The following POM121C variants were observed in gnomAD, a reference collection of about 807,000 sequenced individuals.
The protein encoded by POM121C is nuclear envelope pore membrane protein POM 121C.
A neutral mutation model predicts 66.4 loss-of-function variants in POM121C; 20 were observed. That is an observed-to-expected ratio of 0.30 (90% confidence interval 0.21 to 0.44). POM121C has a LOEUF of 0.44. POM121C is among the 20% of genes least tolerant of loss of function. The probability of loss-of-function intolerance (pLI) is 1.00; values close to 1 mark genes in which losing one functional copy is unlikely to be tolerated. For missense variants in POM121C, 580 were observed against 1,225.7 expected (o/e 0.47, Z 7.87); for synonymous variants, 286 against 528.0 (o/e 0.54, Z 6.28).
chr7:75,432,473 A>C (rs1277164472), intron 7 of POM121C, among the ~76,000 whole-genome samples: 2 of 152,184 alleles, frequency 1.3e-5, no homozygotes, highest in African/African-American at 4.8e-5. Context: ...TGCATACTCT[A>C]TTTCCATCTA....
In POM121C at chr7:75,424,242, G is replaced by GTTCC. The variant is rs782186674; in HGVS notation, c.872-18_872-17insGGAA. 1.2e-6 allele frequency: 2 copies of GTTCC among 1,611,564 alleles called. No homozygotes were observed. Among genetic ancestry groups the GTTCC allele is most frequent in the African/African-American group, 2.7e-5 (2 of 74,814 alleles). Reference sequence around the variant, plus strand: ...AGGCAGCATCTAAGAAAGAAAGAAAGGTGAAGCAGTCCTGGCTTGTCTGGG... The same window carrying GTTCC: ...AGGCAGCATCTAAGAAAGAAAGAAAGTTCCGTGAAGCAGTCCTGGCTTGTCTGGG... On this transcript the variant is annotated splice_polypyrimidine_tract_variant and intron_variant, in intron 11 of 14. Coordinates refer to ENST00000615331, the MANE Select transcript of POM121C (RefSeq NM_001099415.3).
intron 1 of POM121C, among the ~76,000 whole-genome samples, chr7:75,480,476 C>A (rs1554479959): frequency 6.6e-6 from 1 of 151,916 alleles, no homozygotes; most frequent in Non-Finnish European, 1.5e-5. Context: ...ACAACACAAC[C>A]AACCAACTTG....
intron 3 of POM121C, among the ~76,000 whole-genome samples, chr7:75,469,153 G>A (rs1244970999): frequency 1.3e-5 from 2 of 150,860 alleles, no homozygotes; most frequent in African/African-American, 4.9e-5. Context: ...AGGCTGGAGT[G>A]CAGTGGCGTG....
chr7:75,484,863 G>T (rs1792457747), intron 1 of POM121C, among the ~76,000 whole-genome samples: 1 of 151,706 alleles, frequency 6.6e-6, no homozygotes, highest in Non-Finnish European at 1.5e-5. Context: ...TGGTTTGTTG[G>T]TTGAGACAGG....
intron 3 of POM121C, among the ~76,000 whole-genome samples, chr7:75,458,012 G>T (rs1459464223): frequency 1.3e-5 from 2 of 152,276 alleles, no homozygotes; most frequent in Non-Finnish European, 2.9e-5. Context: ...TTTTCGCATT[G>T]AAAATCAGTC....
chr7:75,434,201 C>A (rs781971887), intron 7 of POM121C, among the ~76,000 whole-genome samples: 16 of 152,046 alleles, frequency 1.1e-4, no homozygotes, highest in Non-Finnish European at 2.2e-4. Context: ...CTAAGACTCA[C>A]GGAAACAGAA....
chr7:75,418,555 G>A lies in POM121C; in HGVS notation c.*241C>T, dbSNP rs587766232. On this transcript the variant is annotated 3_prime_UTR_variant, in exon 15 of 15. Transcript: ENST00000615331. ...TCCTTAGTTCTCCAGCCTCCCCAGT[G>A]GAACTGTTCAAGTAGAGGTCCCGGG... 2.3e-4 allele frequency: 306 copies of A among 1,315,240 alleles called. No individual in the cohort carries two copies. The highest frequency in any genetic ancestry group is 2.0e-3 in the Middle Eastern group (7 of 3,458). The allele number at this position is 1,315,240 out of a possible 1,614,324, so 81.5% of individuals were successfully genotyped here.
intron 3 of POM121C, among the ~76,000 whole-genome samples, chr7:75,456,513 T>C (rs1181338711): frequency 6.6e-6 from 1 of 152,056 alleles, no homozygotes; most frequent in Non-Finnish European, 1.5e-5. Context: ...AGGGCCCCAG[T>C]GAACAGACGA....
At chr7:75,483,522 C>T (rs11769272) in intron 1 of POM121C, among the ~76,000 whole-genome samples, 20 of 152,148 alleles carry the variant, frequency 1.3e-4, no homozygotes, top group Admixed American at 5.2e-4. Flanking sequence ...TCCTCAGCCA[C>T]GCTTCCTATG....
chr7:75,440,894 C>T, intron 5 of POM121C, 60 bp downstream of exon 5: 1 of 1,613,162 alleles, frequency 6.2e-7, no homozygotes, highest in Non-Finnish European at 8.5e-7. Context: ...GGAATGTCTA[C>T]ATCTCATCCC....
intron 1 of POM121C, among the ~76,000 whole-genome samples, chr7:75,480,342 C>T (rs1400394701): frequency 6.6e-6 from 1 of 151,974 alleles, no homozygotes; most frequent in Non-Finnish European, 1.5e-5. Flanking sequence ...TAATATAACA[C>T]ATAAAGCAAA....
intron 7 of POM121C, among the ~76,000 whole-genome samples, chr7:75,428,429 C>T (rs1413246068): frequency 4.6e-5 from 7 of 152,156 alleles, no homozygotes; most frequent in African/African-American, 1.4e-4. Context: ...TGAGCCACCA[C>T]GCTTAGCCAC....
At chr7:75,434,997 A>G (rs1584665027) in intron 7 of POM121C, among the ~76,000 whole-genome samples, 1 of 152,202 alleles carries the variant, frequency 6.6e-6, no homozygotes, top group Admixed American at 6.5e-5. Context: ...TGAGTGGTAC[A>G]TGCCCTGTAG....
In POM121C at chr7:75,421,261, C is replaced by T; in HGVS notation, c.2743+248G>A. The T allele has an allele frequency of 4.3e-6, 5 of 1,161,038 alleles. No individual in the cohort carries two copies. In the South Asian group the frequency reaches 8.2e-5, roughly 19 times the overall value. The allele number at this position is 1,161,038 out of a possible 1,614,324, so 71.9% of individuals were successfully genotyped here. ...AAAATATTGGGATTACAAGCATGAG[C>T]CACTGCGCCCAACCTTCAGCTTACA... On this transcript the variant is annotated intron_variant, in intron 13 of 14. Coordinates refer to ENST00000615331, the MANE Select transcript of POM121C (RefSeq NM_001099415.3).
intron 1 of POM121C, among the ~76,000 whole-genome samples, chr7:75,480,967 A>C (rs1469267865): frequency 1.3e-5 from 2 of 150,594 alleles, no homozygotes; most frequent in East Asian, 1.9e-4. Flanking sequence ...TATGAGCTGT[A>C]ATCTAAAACT....
rs1186006417 is a variant in POM121C, at chr7:75,444,810, TA to T, written c.-151-3164del. On this transcript the variant is annotated intron_variant, in intron 3 of 14. Coordinates refer to ENST00000615331, the MANE Select transcript of POM121C (RefSeq NM_001099415.3). ...CAACATGGTAAAACCCAGTCTCTAC[TA>T]AAAAAAAACACAAAAATTTGCCTGG... Among the ~76,000 whole-genome samples, 6 of 137,182 alleles carry T rather than the reference TA, an allele frequency of 4.4e-5. 1 individual carries two copies. Among genetic ancestry groups the T allele is most frequent in the Non-Finnish European group, 6.5e-5 (4 of 61,188 alleles). 90.0% of individuals were successfully genotyped at this position (137,182 alleles called of 152,430 possible).
chr7:75,433,263 A>C (rs868915093), intron 7 of POM121C, among the ~76,000 whole-genome samples: 2 of 147,448 alleles, frequency 1.4e-5, no homozygotes, highest in African/African-American at 4.9e-5. Flanking sequence ...AAAAAAAAGA[A>C]TGTACAGTAA....
chr7:75,425,705 T>C lies in POM121C; in HGVS notation c.576A>G (p.Glu192=). The change falls in exon 9 of 15, where the codon GAA becomes GAG. Residue 192 remains glutamate (E), a synonymous_variant. Transcript: ENST00000615331. ...AACTGGAATGATGACACAGCTCTTC[T>C]TCTCTGTTGGGAAAAAAGGAACAAT... is the stretch of plus-strand genomic sequence containing the variant. ...TPERPAKKIR[E]EELCHHSSSS... The C allele has an allele frequency of 1.2e-6, 2 of 1,612,212 alleles. No individual in the cohort carries two copies. The highest frequency in any genetic ancestry group is 1.7e-6 in the Non-Finnish European group (2 of 1,179,198).
At chr7:75,467,264 G>C (rs1472003230) in intron 3 of POM121C, among the ~76,000 whole-genome samples, 8 of 152,194 alleles carry the variant, frequency 5.3e-5, no homozygotes, top group African/African-American at 1.9e-4. Flanking sequence ...GGGCGTGGTG[G>C]CTCACGCCTG....
Sources: gnomAD v4.1 joint callset for allele counts (sites outside exome capture counted in the v4.1 genomes callset) on GRCh38, gnomAD v4.1.1 for gene constraint, MANE v1.5 for transcripts, NCBI Gene and HGNC (gene_info 2026-07-23, HGNC 2026-07-21) for gene names.